The following TAFA2 variants were observed in gnomAD, a reference collection of about 807,000 sequenced individuals.
The protein encoded by TAFA2 is TAFA chemokine like family member 2.
TAFA2 carries 7 observed loss-of-function variants against 18.8 expected under a neutral mutation model. The observed-to-expected ratio is 0.37, with a 90% CI of 0.21 to 0.70. TAFA2 has a LOEUF of 0.70. Among genes scored for constraint, TAFA2 ranks in the 30% least tolerant of loss-of-function variants. TAFA2 has a pLI of 0.53. For missense variants in TAFA2, 122 were observed against 158.1 expected (o/e 0.77, Z 1.23); for synonymous variants, 60 against 54.2 (o/e 1.11, Z -0.47).
intron 1 of TAFA2, among the ~76,000 whole-genome samples, chr12:62,085,595 C>G (rs890996064): frequency 5.9e-5 from 9 of 152,074 alleles, no homozygotes; most frequent in Non-Finnish European, 1.0e-4. Flanking sequence ...ATGTGCCAAT[C>G]CCTGATTTAA....
chr12:61,941,408 A>C (rs1267878330), intron 1 of TAFA2, among the ~76,000 whole-genome samples: 1 of 152,218 alleles, frequency 6.6e-6, no homozygotes, highest in Non-Finnish European at 1.5e-5. Context: ...AGGGTAGGCA[A>C]AACAAGATCT....
At position 61,785,360 on chromosome 12, in the gene TAFA2, T is replaced by TGC. The variant is rs200476745; in HGVS notation, c.107-30337_107-30336insGC. On this transcript the variant is annotated intron_variant, in intron 2 of 4. Coordinates refer to ENST00000416284, the MANE Select transcript of TAFA2 (RefSeq NM_178539.5). The stretch of plus-strand genomic sequence containing the variant: ...GTGTGTGTGTGTGTGTGTGTGTGTG[T>TGC]TTGTGTGTGTGTGTCACATTTTCTT... Among the ~76,000 whole-genome samples, 115 of 145,554 alleles carry TGC rather than the reference T, an allele frequency of 7.9e-4. 1 individual carries two copies. Among genetic ancestry groups the TGC allele is most frequent in the African/African-American group, 2.6e-3 (105 of 39,852 alleles).
At chr12:61,780,821 T>G (rs940296909) in intron 2 of TAFA2, among the ~76,000 whole-genome samples, 1 of 151,790 alleles carries the variant, frequency 6.6e-6, no homozygotes, top group South Asian at 2.1e-4. Context: ...GCAATAGTCT[T>G]CACTTATATT....
chr12:62,082,612 T>G (rs1592324566), intron 1 of TAFA2, among the ~76,000 whole-genome samples: 2 of 152,302 alleles, frequency 1.3e-5, no homozygotes, highest in East Asian at 3.9e-4. Flanking sequence ...CAAGTTTAGA[T>G]ATTTCTTCCA....
chr12:61,734,731 A>G (rs1402296166), intron 4 of TAFA2, among the ~76,000 whole-genome samples: 3 of 152,102 alleles, frequency 2.0e-5, no homozygotes, highest in South Asian at 4.1e-4. Flanking sequence ...CTTACTCACA[A>G]TGTAACTTGG....
At chr12:61,885,957 G>C (rs1875358222) in intron 1 of TAFA2, among the ~76,000 whole-genome samples, 1 of 151,980 alleles carries the variant, frequency 6.6e-6, no homozygotes, top group African/African-American at 2.4e-5. Flanking sequence ...CATGTCTAAG[G>C]GTACTATCTT....
At chr12:62,234,094 T>C (rs2062824615) in intron 1 of TAFA2, among the ~76,000 whole-genome samples, 1 of 152,192 alleles carries the variant, frequency 6.6e-6, no homozygotes, top group South Asian at 2.1e-4. Context: ...ATGCCATAGT[T>C]TTCAGAAGAT....
intron 1 of TAFA2, among the ~76,000 whole-genome samples, chr12:62,086,304 C>T (rs1868450823): frequency 1.3e-5 from 2 of 151,840 alleles, no homozygotes; most frequent in African/African-American, 4.8e-5. Flanking sequence ...TTTGGATTTC[C>T]TCAAGGTTAA....
Position 61,867,361 on chromosome 12 carries a change from G to A in TAFA2, c.65C>T (p.Thr22Ile). The change falls in exon 2 of 5, where the codon ACC becomes ATC. Residue 22 changes from threonine (T) to isoleucine (I), a missense_variant. Physicochemically the swap from Thr to Ile is moderately conservative, Grantham distance 89 (BLOSUM62 -1). This residue lies in a region of TAFA2 where 62 missense variants were observed against 55.5 expected (regional missense o/e 1.12). Coordinates refer to ENST00000416284, the MANE Select transcript of TAFA2 (RefSeq NM_178539.5). ...ACTGGATACAACTTTCCCCCACAAG[G>A]TTACAATAAATATTATTATTAGCAG... ...GKLLIIIFIV[T>I]LWGKVVSSAN... 6 of 1,608,548 alleles carry A rather than the reference G, an allele frequency of 3.7e-6. No individual in the cohort carries two copies. Among genetic ancestry groups the A allele is most frequent in the Non-Finnish European group, 4.2e-6 (5 of 1,177,068 alleles).
intron 1 of TAFA2, among the ~76,000 whole-genome samples, chr12:62,176,412 CCCCAAGAAA>C (rs1350351762): frequency 6.6e-6 from 1 of 152,072 alleles, no homozygotes; most frequent in Non-Finnish European, 1.5e-5. Context: ...CCCACCCTAC[CCCCAAGAAA>C]CCCATTTCTT....
chr12:61,997,989 G>A (rs771184045), intron 1 of TAFA2, among the ~76,000 whole-genome samples: 11 of 151,896 alleles, frequency 7.2e-5, no homozygotes, highest in Non-Finnish European at 1.3e-4. Flanking sequence ...AACTTAGATC[G>A]ATCCCCCTCA....
intron 1 of TAFA2, among the ~76,000 whole-genome samples, chr12:61,975,754 G>A (rs1010131368): frequency 2.0e-5 from 3 of 151,612 alleles, no homozygotes; most frequent in African/African-American, 7.3e-5. Context: ...GTTGGTTAAG[G>A]GTACAAACTT....
At chr12:61,863,339 C>T (rs1470842080) in intron 2 of TAFA2, among the ~76,000 whole-genome samples, 1 of 152,158 alleles carries the variant, frequency 6.6e-6, no homozygotes, top group Non-Finnish European at 1.5e-5. Flanking sequence ...TACAGATGAT[C>T]CACAGGGGCA....
At chr12:61,878,288 T>A (rs1874958100) in intron 1 of TAFA2, 1 of 292,758 alleles carries the variant, frequency 3.4e-6, no homozygotes, top group African/African-American at 2.2e-5. Context: ...AAAAAATGGC[T>A]ACAATGGTAA....
At chr12:61,973,225 T>C (rs141097162) in intron 1 of TAFA2, among the ~76,000 whole-genome samples, 24 of 151,652 alleles carry the variant, frequency 1.6e-4, no homozygotes, top group African/African-American at 3.1e-4. Flanking sequence ...CACATACAAA[T>C]GTTGTAAGAT....
chr12:62,023,153 T>G (rs1000690191), intron 1 of TAFA2, among the ~76,000 whole-genome samples: 1 of 152,138 alleles, frequency 6.6e-6, no homozygotes, highest in African/African-American at 2.4e-5. Context: ...CAAGGATTGG[T>G]ATTTCGGCCT....
At chr12:62,147,824 G>C (rs1308782848) in intron 1 of TAFA2, among the ~76,000 whole-genome samples, 4 of 151,440 alleles carry the variant, frequency 2.6e-5, no homozygotes, top group Non-Finnish European at 5.9e-5. Context: ...ATCTGACAAG[G>C]GACTAATATC....
chr12:62,099,128 G>A (rs1334264375), intron 1 of TAFA2, among the ~76,000 whole-genome samples: 1 of 152,016 alleles, frequency 6.6e-6, no homozygotes, highest in Non-Finnish European at 1.5e-5. Flanking sequence ...TCATTTTAGT[G>A]GTAATGATGA....
chr12:62,250,358 TATTTAAG>T (rs999607860), intron 1 of TAFA2, among the ~76,000 whole-genome samples: 1 of 152,222 alleles, frequency 6.6e-6, no homozygotes, highest in Non-Finnish European at 1.5e-5. Context: ...TTTCTTTTTA[TATTTAAG>T]ATTTTTCTCT....
Sources: gnomAD v4.1 joint callset for allele counts (sites outside exome capture counted in the v4.1 genomes callset) on GRCh38, gnomAD v4.1.1 for gene constraint, gnomAD v4.1.1 regional missense constraint, MANE v1.5 for transcripts, NCBI Gene and HGNC (gene_info 2026-07-23, HGNC 2026-07-21) for gene names.